ZNF469: variants seen among roughly 807,000 people sequenced by gnomAD.
ZNF469 encodes the protein zinc finger protein 469.
In ZNF469, 1 loss-of-function variant was observed where a neutral mutation model predicts 1.0. The ratio of observed to expected loss-of-function variants is 1.00; its 90% confidence interval spans 0.35 to 4.73. ZNF469 has a LOEUF of 4.73. ZNF469 is among the 30% of genes most tolerant of loss of function. The probability of loss-of-function intolerance (pLI) is 0.16; values close to 1 mark genes in which losing one functional copy is unlikely to be tolerated. For missense variants in ZNF469, 6,100 were observed against 5,356.3 expected (o/e 1.14, Z -4.33); for synonymous variants, 2,703 against 2,363.4 (o/e 1.14, Z -4.17).
chr16:88,157,207 G>A, the ZNF469 span, among the ~76,000 whole-genome samples: 5 of 151,572 alleles, frequency 3.3e-5, no homozygotes, highest in Admixed American at 2.6e-4. Flanking sequence ...GGCTGAAGCC[G>A]ACACCCCCAC....
At chr16:88,400,811 T>G (rs541383644) in intron 1 of ZNF469, among the ~76,000 whole-genome samples, 3 of 151,968 alleles carry the variant, frequency 2.0e-5, no homozygotes, top group African/African-American at 7.2e-5. Flanking sequence ...TCTCTTCAGA[T>G]CGTGTTCACG....
At position 88,387,169 on chromosome 16, in the gene ZNF469, G is replaced by A. The variant is rs1021717553; in HGVS notation, c.-192+3915G>A. Among the ~76,000 whole-genome samples, 21 of 152,302 alleles carry A rather than the reference G, an allele frequency of 1.4e-4. No homozygotes were observed. The East Asian group carries it at 2.1e-3, about 15-fold the overall frequency. The stretch of plus-strand genomic sequence containing the variant: ...CGGCAGCCCTGGGTCAGGTGCGGAC[G>A]CCGTCCGCACCCCTGAGGACCTTCC... On this transcript the variant is annotated intron_variant, in intron 1 of 2. Coordinates refer to ENST00000565624, the MANE Select transcript of ZNF469 (RefSeq NM_001367624.2).
chr16:88,203,109 G>A, the ZNF469 span, among the ~76,000 whole-genome samples: 163 of 152,250 alleles, frequency 1.1e-3, 3 homozygotes, highest in East Asian at 0.028. Flanking sequence ...CAGAAGGGCC[G>A]GGAAGGGCAG....
chr16:88,249,505 C>T, the ZNF469 span, among the ~76,000 whole-genome samples: 20 of 136,008 alleles, frequency 1.5e-4, no homozygotes, highest in African/African-American at 5.0e-4. Flanking sequence ...GGCACCATCT[C>T]GGCTCACTGC....
At chr16:88,130,128 G>A in the ZNF469 span, among the ~76,000 whole-genome samples, 8 of 152,176 alleles carry the variant, frequency 5.3e-5, 1 homozygote, top group Admixed American at 5.2e-4. Context: ...ACCATCGGGC[G>A]CTGTTTGTGT....
chr16:88,387,684 AC>A (rs1215050425), intron 1 of ZNF469, among the ~76,000 whole-genome samples: 1 of 152,050 alleles, frequency 6.6e-6, no homozygotes, highest in Admixed American at 6.5e-5. Context: ...GCTGTTTTTG[AC>A]CCAGCGAGGA....
chr16:88,102,537 C>T, the ZNF469 span, among the ~76,000 whole-genome samples: 1 of 152,194 alleles, frequency 6.6e-6, no homozygotes, highest in African/African-American at 2.4e-5. Context: ...AACAAACAAA[C>T]AAAAGAACAT....
the ZNF469 span, among the ~76,000 whole-genome samples, chr16:88,108,369 C>T: frequency 6.6e-6 from 1 of 152,182 alleles, no homozygotes; most frequent in African/African-American, 2.4e-5. Flanking sequence ...GCTGCTGGTG[C>T]AGCCCATCTC....
the ZNF469 span, among the ~76,000 whole-genome samples, chr16:88,198,826 G>A: frequency 1.3e-3 from 200 of 152,316 alleles, no homozygotes; most frequent in African/African-American, 4.6e-3. Context: ...TGCTGGTCAC[G>A]CCGGGACGTT....
chr16:88,135,809 G>A, the ZNF469 span, among the ~76,000 whole-genome samples: 1 of 139,458 alleles, frequency 7.2e-6, no homozygotes, highest in East Asian at 2.1e-4. Flanking sequence ...CGCCCAAGCT[G>A]GAGTGCAGTG....
At chr16:88,345,847 GCCAGAGGTGA>G in the ZNF469 span, among the ~76,000 whole-genome samples, 1 of 152,204 alleles carries the variant, frequency 6.6e-6, no homozygotes, top group Non-Finnish European at 1.5e-5. Context: ...CACCGAGGCT[GCCAGAGGTGA>G]CCTTCAGGCT....
the ZNF469 span, among the ~76,000 whole-genome samples, chr16:88,226,541 G>T: frequency 6.6e-6 from 1 of 152,094 alleles, no homozygotes; most frequent in Non-Finnish European, 1.5e-5. Context: ...TGGGAGAGAG[G>T]AGTTCCTGAA....
the ZNF469 span, among the ~76,000 whole-genome samples, chr16:88,109,921 A>C: frequency 6.6e-6 from 1 of 152,298 alleles, no homozygotes; most frequent in East Asian, 1.9e-4. Flanking sequence ...CTCTTACCAA[A>C]TGTTAGTTGA....
chr16:88,208,947 T>C, the ZNF469 span, among the ~76,000 whole-genome samples: 1 of 151,924 alleles, frequency 6.6e-6, no homozygotes, highest in East Asian at 2.0e-4. Flanking sequence ...GGGTATTTGC[T>C]TATTTGCTCA....
At chr16:88,206,669 G>A in the ZNF469 span, among the ~76,000 whole-genome samples, 8 of 151,674 alleles carry the variant, frequency 5.3e-5, no homozygotes, top group African/African-American at 7.3e-5. Context: ...GGAACCCTGC[G>A]TCTTTCTTTC....
the ZNF469 span, among the ~76,000 whole-genome samples, chr16:88,193,087 GTGGTGATGGTGT>G: frequency 4.9e-5 from 6 of 122,234 alleles, no homozygotes; most frequent in Middle Eastern, 4.8e-3. Flanking sequence ...GGTGATGGTG[GTGGTGATGGTGT>G]TGATGGTGGT....
chr16:88,350,441 A>G, the ZNF469 span, among the ~76,000 whole-genome samples: 1 of 152,162 alleles, frequency 6.6e-6, no homozygotes, highest in Admixed American at 6.5e-5. Context: ...AAGCCCCACC[A>G]CCAGCTCTCG....
the ZNF469 span, among the ~76,000 whole-genome samples, chr16:88,371,972 CCACCAT>C: frequency 1.3e-3 from 31 of 23,140 alleles, no homozygotes; most frequent in African/African-American, 3.4e-3. Context: ...ATCACCATCA[CCACCAT>C]CATCACCATC....
Position 88,433,688 on chromosome 16 carries a change from C to T in ZNF469, c.6218C>T (p.Ala2073Val). 1 of 1,549,524 alleles carries T rather than the reference C, an allele frequency of 6.5e-7. No homozygotes were observed. The highest frequency in any genetic ancestry group is 8.7e-7 in the Non-Finnish European group (1 of 1,146,682). ...TCCCTGGCGCTGGCCTTGACAGCAG[C>T]CCACAGCCGAAGTGGATCTGAGGGC... is the stretch of plus-strand genomic sequence containing the variant. ...RESLALALTA[A>V]HSRSGSEGRT... The change falls in exon 3 of 3, where the codon GCC becomes GTC. Residue 2073 changes from alanine (A) to valine (V), a missense_variant. Ala to Val is a moderately conservative substitution (Grantham distance 64). Transcript: ENST00000565624.
Sources: gnomAD v4.1 joint callset for allele counts (sites outside exome capture counted in the v4.1 genomes callset) on GRCh38, gnomAD v4.1.1 for gene constraint, MANE v1.5 for transcripts, NCBI Gene and HGNC (gene_info 2026-07-23, HGNC 2026-07-21) for gene names.